Variants in LOC400499 observed in about 807,000 individuals in gnomAD.
At chr16:11,493,700 G>C in the LOC400499 span, 1 of 397,122 alleles carries the variant, frequency 2.5e-6, no homozygotes, top group Non-Finnish European at 4.4e-6. Context: ...CGGATCTCGG[G>C]TGTGCTGCTT....
the LOC400499 span, among the ~76,000 whole-genome samples, chr16:11,375,911 TAG>T: frequency 6.6e-6 from 1 of 152,072 alleles, no homozygotes; most frequent in Non-Finnish European, 1.5e-5. Flanking sequence ...GTATTTTTAG[TAG>T]AGACGGGGTG....
the LOC400499 span, chr16:11,385,234 G>A: frequency 2.2e-5 from 27 of 1,232,322 alleles, no homozygotes; most frequent in South Asian, 1.6e-4. Flanking sequence ...TAGAGGATGA[G>A]GGTCTTGTGG....
chr16:11,441,637 T>A, the LOC400499 span, among the ~76,000 whole-genome samples: 37 of 152,180 alleles, frequency 2.4e-4, 1 homozygote, highest in Admixed American at 2.4e-3. Context: ...GAGGAGATTA[T>A]CTGGGTGGCC....
chr16:11,407,240 C>G, the LOC400499 span: 1 of 399,070 alleles, frequency 2.5e-6, no homozygotes, highest in East Asian at 3.6e-5. Context: ...ATTGTTGAGA[C>G]CGGCCTTAGC....
the LOC400499 span, among the ~76,000 whole-genome samples, chr16:11,453,203 T>C: frequency 6.6e-6 from 1 of 152,206 alleles, no homozygotes; most frequent in South Asian, 2.1e-4. Flanking sequence ...AAAAGGATTT[T>C]AAGGAGAATA....
At chr16:11,410,118 T>C in the LOC400499 span, among the ~76,000 whole-genome samples, 6 of 152,052 alleles carry the variant, frequency 3.9e-5, 1 homozygote, top group South Asian at 1.2e-3. Context: ...CACTCCAACC[T>C]GGGTGACAGA....
chr16:11,514,153 G>A, the LOC400499 span, among the ~76,000 whole-genome samples: 2 of 152,204 alleles, frequency 1.3e-5, no homozygotes, highest in South Asian at 4.1e-4. Context: ...ACTCAACCAA[G>A]CCAGGGCCAT....
the LOC400499 span, among the ~76,000 whole-genome samples, chr16:11,511,924 G>A: frequency 1.3e-5 from 2 of 152,124 alleles, no homozygotes; most frequent in African/African-American, 2.4e-5. Context: ...GGCTGACACT[G>A]GGGGAACCCC....
the LOC400499 span, chr16:11,471,988 C>T: frequency 2.5e-6 from 1 of 396,316 alleles, no homozygotes; most frequent in Non-Finnish European, 4.4e-6. Context: ...ACCAGGGTTT[C>T]TCTGCCTCAG....
the LOC400499 span, among the ~76,000 whole-genome samples, chr16:11,467,562 T>C: frequency 0.011 from 1,732 of 152,148 alleles, 31 homozygotes; most frequent in African/African-American, 0.04. Context: ...CAGTGAGCCA[T>C]GTTTGCACCT....
At chr16:11,462,091 G>T in the LOC400499 span, 2 of 1,454,956 alleles carry the variant, frequency 1.4e-6, no homozygotes, top group Non-Finnish European at 1.8e-6. Context: ...CAGAGCAGAG[G>T]GGACAGAAGG....
the LOC400499 span, among the ~76,000 whole-genome samples, chr16:11,458,637 T>A: frequency 1.3e-5 from 2 of 152,162 alleles, no homozygotes; most frequent in African/African-American, 4.8e-5. Flanking sequence ...AGTCAGCATT[T>A]CCTGGTTATA....
chr16:11,422,862 C>A, the LOC400499 span, among the ~76,000 whole-genome samples: 1 of 152,208 alleles, frequency 6.6e-6, no homozygotes, highest in Non-Finnish European at 1.5e-5. Context: ...CCAGGACATG[C>A]CCACCGCCAG....
the LOC400499 span, chr16:11,439,507 T>C: frequency 2.5e-6 from 1 of 398,980 alleles, no homozygotes; most frequent in Non-Finnish European, 4.4e-6. Context: ...TTGGAGGAAA[T>C]GTTGGTCCGT....
chr16:11,396,415 C>T, the LOC400499 span: 1 of 1,156,566 alleles, frequency 8.6e-7, no homozygotes, highest in Non-Finnish European at 1.1e-6. Flanking sequence ...GATGGCGGGG[C>T]CGCCCAGGCA....
chr16:11,385,620 G>A, the LOC400499 span, among the ~76,000 whole-genome samples: 1 of 152,210 alleles, frequency 6.6e-6, no homozygotes. Context: ...AAGGTCTACT[G>A]GCAATTCAGC....
At chr16:11,448,282 A>G in the LOC400499 span, among the ~76,000 whole-genome samples, 2 of 152,190 alleles carry the variant, frequency 1.3e-5, no homozygotes, top group African/African-American at 2.4e-5. Context: ...AGACCTCCCT[A>G]GGTACCCGGG....
the LOC400499 span, among the ~76,000 whole-genome samples, chr16:11,432,197 G>C: frequency 6.6e-6 from 1 of 152,236 alleles, no homozygotes; most frequent in Non-Finnish European, 1.5e-5. Context: ...GCTGATGTCA[G>C]CCAAGAGTCC....
the LOC400499 span, chr16:11,460,450 G>C: frequency 5.3e-6 from 8 of 1,508,096 alleles, no homozygotes; most frequent in Middle Eastern, 1.7e-4. Context: ...GCTCTCTCCG[G>C]ATGTCGCACC....
Sources: allele counts gnomAD v4.1 joint callset (sites outside exome capture counted in the v4.1 genomes callset), GRCh38; gene constraint gnomAD v4.1.1; transcripts MANE v1.5.